The following NRIP1 variants were observed in gnomAD, a reference collection of about 807,000 sequenced individuals.
NRIP1 encodes nuclear receptor-interacting protein 1.
A neutral mutation model predicts 75.0 loss-of-function variants in NRIP1; 28 were observed. The ratio of observed to expected loss-of-function variants is 0.37; its 90% CI spans 0.28 to 0.51. The LOEUF is 0.51. NRIP1 is among the 20% of genes least tolerant of loss of function. NRIP1 has a pLI of 0.92. For synonymous variants in NRIP1, 526 were observed against 487.6 expected (o/e 1.08, Z -1.04); for missense variants, 1,435 against 1,343.7 (o/e 1.07, Z -1.06).
chr21:14,971,839 A>T (rs1374093477), intron 3 of NRIP1, among the ~76,000 whole-genome samples: 1 of 152,258 alleles, frequency 6.6e-6, no homozygotes, highest in Non-Finnish European at 1.5e-5. Flanking sequence ...TCTTCTAGAG[A>T]AGTGGACCAG....
chr21:15,048,474 ATCTTAG>A (rs1182576901), intron 1 of NRIP1, among the ~76,000 whole-genome samples: 7 of 152,196 alleles, frequency 4.6e-5, no homozygotes, highest in African/African-American at 1.4e-4. Context: ...TGTTCCCAAA[ATCTTAG>A]TCGACAGAAG....
At position 15,043,586 on chromosome 21, in the gene NRIP1, G is replaced by A. The variant is rs1475436493; in HGVS notation, c.-537-12C>T. 1 of 152,076 alleles carries A rather than the reference G, an allele frequency of 6.6e-6. No homozygotes were observed. The highest frequency in any genetic ancestry group is 2.4e-5 in the African/African-American group (1 of 41,426). 9.4% of individuals were successfully genotyped at this position (152,076 alleles called of 1,614,324 possible). A position where few individuals can be genotyped will look rare whatever the true frequency, so the allele number is the denominator to read the frequency against. ...AATCCAAACACTTCCTGAAAATTAA[G>A]AGAAATAAGTGTTACTTCAAGTGCA... On this transcript the variant is annotated splice_polypyrimidine_tract_variant and intron_variant, in intron 1 of 3. Coordinates refer to ENST00000318948, the MANE Select transcript of NRIP1 (RefSeq NM_003489.4).
rs1224392930 is a variant in NRIP1, at chr21:14,965,449, T to C, written c.2744A>G (p.His915Arg). 2.5e-6 allele frequency: 4 copies of C among 1,613,886 alleles called. No individual in the cohort carries two copies. Among genetic ancestry groups the C allele is most frequent in the Non-Finnish European group, 3.4e-6 (4 of 1,179,922 alleles). Residue 915 changes from histidine (H) to arginine (R), a missense_variant, in exon 4 of 4, where the codon CAT becomes CGT. Transcript: ENST00000318948. ...NDLEFKYPAG[H>R]GSASESEHRS... ...GTGTTCACTTTCGCTGGCTGAGCCATGACCAGCAGGATATTTAAATTCAAG... is the reference window on the plus strand; with the variant it reads ...GTGTTCACTTTCGCTGGCTGAGCCACGACCAGCAGGATATTTAAATTCAAG...
chr21:15,016,839 C>T (rs1168222143), intron 2 of NRIP1, among the ~76,000 whole-genome samples: 3 of 151,030 alleles, frequency 2.0e-5, no homozygotes, highest in African/African-American at 4.9e-5. Context: ...GAGCCAAGAT[C>T]GCGCCACTGC....
intron 3 of NRIP1, among the ~76,000 whole-genome samples, chr21:14,996,195 TCA>T (rs1430905675): frequency 6.6e-6 from 1 of 152,180 alleles, no homozygotes; most frequent in East Asian, 1.9e-4. Context: ...TTAAGATACT[TCA>T]CATTCTTTTT....
At chr21:14,975,710 G>A (rs944081725) in intron 3 of NRIP1, among the ~76,000 whole-genome samples, 2 of 150,538 alleles carry the variant, frequency 1.3e-5, no homozygotes, top group African/African-American at 2.5e-5. Flanking sequence ...ATAGAATGAC[G>A]GTAAAACAGT....
rs150347102 is a variant in NRIP1 at position 14,975,262 on chromosome 21, T to C, written c.-334-6736A>G. On this transcript the variant is annotated intron_variant, in intron 3 of 3. Coordinates refer to ENST00000318948, the MANE Select transcript of NRIP1 (RefSeq NM_003489.4). ...ATTAGCATCAGTTTTTTTCCATTCA[T>C]CTTCTGGTTTATCTAAGTGAAATAT... 4.3e-4 allele frequency among the ~76,000 whole-genome samples: 66 copies of C among 152,298 alleles called. 1 individual carries two copies. In the East Asian group the frequency reaches 8.7e-3, roughly 20 times the overall value.
chr21:15,005,721 C>T (rs936912713), intron 3 of NRIP1, among the ~76,000 whole-genome samples: 2 of 152,132 alleles, frequency 1.3e-5, no homozygotes, highest in South Asian at 2.1e-4. Context: ...CTCCTCTTAA[C>T]CCTTCCCAAG....
At chr21:15,035,456 A>T (rs1359933468) in intron 2 of NRIP1, among the ~76,000 whole-genome samples, 1 of 152,182 alleles carries the variant, frequency 6.6e-6, no homozygotes, top group Non-Finnish European at 1.5e-5. Context: ...CTCATTTTAC[A>T]TTAAAGTAAC....
Position 14,964,499 on chromosome 21 carries a change from AAAC to A in NRIP1, c.*214_*216del. 2.3e-6 allele frequency: 1 copy of A among 429,116 alleles called. No individual in the cohort carries two copies. Among genetic ancestry groups the A allele is most frequent in the African/African-American group, 2.0e-5 (1 of 48,796 alleles). 26.6% of individuals were successfully genotyped at this position (429,116 alleles called of 1,614,324 possible). ...GTTATCTGATGCATACAGAAGTGTT[AAAC>A]AACCAATTGCTAGTTCAGTAGTTTC... On this transcript the variant is annotated 3_prime_UTR_variant, in exon 4 of 4. Coordinates refer to ENST00000318948, the MANE Select transcript of NRIP1 (RefSeq NM_003489.4).
intron 1 of NRIP1, among the ~76,000 whole-genome samples, chr21:15,048,799 G>A (rs939439061): frequency 6.6e-6 from 1 of 152,106 alleles, no homozygotes; most frequent in Non-Finnish European, 1.5e-5. Context: ...GTCACTGACC[G>A]CAAGGTCACA....
In NRIP1 at chr21:14,964,885, G is replaced by A; in HGVS notation, c.3308C>T (p.Thr1103Ile). 1 of 1,613,206 alleles carries A rather than the reference G, an allele frequency of 6.2e-7. No individual in the cohort carries two copies. The highest frequency in any genetic ancestry group is 8.5e-7 in the Non-Finnish European group (1 of 1,179,624). The stretch of plus-strand genomic sequence containing the variant: ...AGTAGGAAGTAACTCTTCTTTGGCT[G>A]TGACCTGTGAGACACTTTCAGCAGA... ...ASSAESVSQV[T>I]AKEELLPTAE... Residue 1103 changes from threonine to isoleucine, a missense_variant, in exon 4 of 4, where the codon ACA becomes ATA. Thr to Ile is a moderately conservative substitution (Grantham distance 89). Transcript: ENST00000318948.
At chr21:15,043,751 T>C (rs1339002796) in intron 1 of NRIP1, among the ~76,000 whole-genome samples, 177 bp from the exon 2 acceptor site, 6 of 152,230 alleles carry the variant, frequency 3.9e-5, no homozygotes. Flanking sequence ...GACATAGTTG[T>C]TGACCACATG....
At chr21:15,047,413 G>C (rs1020027934) in intron 1 of NRIP1, among the ~76,000 whole-genome samples, 1 of 152,278 alleles carries the variant, frequency 6.6e-6, no homozygotes, top group African/African-American at 2.4e-5. Flanking sequence ...GGTGGCGGGC[G>C]CCTGTGGTCC....
chr21:15,002,869 C>T (rs928620689), intron 3 of NRIP1, among the ~76,000 whole-genome samples: 6 of 152,154 alleles, frequency 3.9e-5, no homozygotes, highest in African/African-American at 1.4e-4. Context: ...AAAGTATGTG[C>T]ATTACCAGTA....
intron 2 of NRIP1, among the ~76,000 whole-genome samples, chr21:15,042,265 G>GT (rs2088972191): frequency 6.6e-6 from 1 of 152,220 alleles, no homozygotes; most frequent in South Asian, 2.1e-4. Flanking sequence ...TTTATTGCAT[G>GT]TATTTATGCA....
In NRIP1 at chr21:14,963,936, A is replaced by C. The variant is rs950887880; in HGVS notation, c.*780T>G. ...ATTCAACTTTTCAGGAAACCACCTA[A>C]AGATAAATGTTAACTTTTCTAATTC... On this transcript the variant is annotated 3_prime_UTR_variant, in exon 4 of 4. Coordinates refer to ENST00000318948, the MANE Select transcript of NRIP1 (RefSeq NM_003489.4). 2 of 152,614 alleles carry C rather than the reference A, an allele frequency of 1.3e-5. No homozygotes were observed. The highest frequency in any genetic ancestry group is 2.9e-5 in the Non-Finnish European group (2 of 68,032). The allele number at this position is 152,614 out of a possible 1,614,324, so 9.5% of individuals were successfully genotyped here. A position where few individuals can be genotyped will look rare whatever the true frequency, so the allele number is the denominator to read the frequency against.
chr21:14,976,764 A>G (rs1454320068), intron 3 of NRIP1, among the ~76,000 whole-genome samples: 2 of 152,210 alleles, frequency 1.3e-5, no homozygotes, highest in Middle Eastern at 3.2e-3. Context: ...TTTTTGGTTG[A>G]GAATAGAGAA....
intron 3 of NRIP1, among the ~76,000 whole-genome samples, chr21:14,982,580 T>C (rs2087267370): frequency 6.6e-6 from 1 of 151,768 alleles, no homozygotes; most frequent in African/African-American, 2.4e-5. Flanking sequence ...AGGGTAGTTG[T>C]TCCTCTCTGT....
Sources: allele counts gnomAD v4.1 joint callset (sites outside exome capture counted in the v4.1 genomes callset), GRCh38; gene constraint gnomAD v4.1.1; transcripts MANE v1.5; gene names NCBI Gene and HGNC (gene_info 2026-07-23, HGNC 2026-07-21).